Variants in ESRRB observed in about 807,000 individuals in gnomAD.
ESRRB encodes steroid hormone receptor ERR2.
ESRRB carries 16 observed loss-of-function variants against 46.0 expected under a neutral mutation model. The observed-to-expected ratio is 0.35, with a 90% CI of 0.24 to 0.53. ESRRB has a LOEUF of 0.53. Ranked by LOEUF, ESRRB falls within the 20% of genes least tolerant of loss-of-function variation. ESRRB has a pLI of 0.93. For synonymous variants in ESRRB, 246 were observed against 259.6 expected (o/e 0.95, Z 0.50); for missense variants, 488 against 607.4 (o/e 0.80, Z 2.07).
In ESRRB at chr14:76,433,220, C is replaced by T. The variant is rs1029505879; in HGVS notation, c.51-6121C>T. Among the ~76,000 whole-genome samples the T allele has an allele frequency of 9.9e-5, 15 of 152,232 alleles. No individual in the cohort carries two copies. The East Asian group carries it at 1.4e-3, about 14-fold the overall frequency. ...GTTCACCAAGCCCCTCAGCTGCCTC[C>T]GATGAAGATTGAAGTACAGTTTGCA... is the stretch of plus-strand genomic sequence containing the variant. On this transcript the variant is annotated intron_variant, in intron 1 of 6. Coordinates refer to ENST00000644823, the MANE Select transcript of ESRRB (RefSeq NM_001379180.1).
chr14:76,322,916 G>A (rs58753016), intron 1 of ESRRB, among the ~76,000 whole-genome samples: 28,037 of 152,092 alleles, frequency 0.18, 2,811 homozygotes, highest in East Asian at 0.38. Context: ...TCCAGCATGC[G>A]CTCACTGTTT....
chr14:76,393,082 G>A (rs895227929), intron 1 of ESRRB, among the ~76,000 whole-genome samples: 1 of 152,244 alleles, frequency 6.6e-6, no homozygotes, highest in Admixed American at 6.5e-5. Context: ...AGAGAAGGAG[G>A]CCTGCTTTGG....
chr14:76,499,867 G>A lies in ESRRB; in HGVS notation c.*1409G>A. On this transcript the variant is annotated 3_prime_UTR_variant, in exon 7 of 7. Transcript: ENST00000644823. Reference sequence around the variant, plus strand: ...AACACCCATTTGTGCTCACAGGTTGGCCAAGAGCAGCTTAGAGGATCTCCC... The same window carrying A: ...AACACCCATTTGTGCTCACAGGTTGACCAAGAGCAGCTTAGAGGATCTCCC... The A allele has an allele frequency of 6.2e-7, 1 of 1,614,054 alleles. No individual in the cohort carries two copies. The highest frequency in any genetic ancestry group is 8.5e-7 in the Non-Finnish European group (1 of 1,179,928).
chr14:76,443,888 T>C (rs1333164506), intron 2 of ESRRB, among the ~76,000 whole-genome samples: 1 of 152,232 alleles, frequency 6.6e-6, no homozygotes, highest in Non-Finnish European at 1.5e-5. Context: ...CAGCAGCATT[T>C]GTGCAGTTGG....
chr14:76,409,339 G>T (rs1329455035), intron 1 of ESRRB, among the ~76,000 whole-genome samples: 3 of 152,226 alleles, frequency 2.0e-5, no homozygotes, highest in African/African-American at 4.8e-5. Flanking sequence ...GGAGTTGGAG[G>T]GTGGGTTAAG....
At chr14:76,313,932 T>A (rs1883768138) in intron 1 of ESRRB, among the ~76,000 whole-genome samples, 1 of 152,174 alleles carries the variant, frequency 6.6e-6, no homozygotes, top group African/African-American at 2.4e-5. Context: ...AGTGAAATTC[T>A]AATAGTGGAG....
intron 1 of ESRRB, among the ~76,000 whole-genome samples, chr14:76,426,639 T>C (rs781105298): frequency 6.6e-6 from 1 of 152,146 alleles, no homozygotes; most frequent in Non-Finnish European, 1.5e-5. Flanking sequence ...CAATGAACTA[T>C]GGTATTGTCT....
intron 2 of ESRRB, among the ~76,000 whole-genome samples, chr14:76,443,201 G>A (rs1191526895): frequency 2.0e-5 from 3 of 152,122 alleles, no homozygotes; most frequent in African/African-American, 4.8e-5. Context: ...AGTAGAGCAC[G>A]TTTTCCTGAA....
At chr14:76,359,244 C>A (rs1440557589) in intron 1 of ESRRB, among the ~76,000 whole-genome samples, 3 of 152,200 alleles carry the variant, frequency 2.0e-5, no homozygotes, top group Admixed American at 1.3e-4. Flanking sequence ...CTACTGATGT[C>A]TTCCAAAAAC....
chr14:76,473,251 G>A (rs937924572), intron 3 of ESRRB, among the ~76,000 whole-genome samples: 1 of 152,252 alleles, frequency 6.6e-6, no homozygotes, highest in Middle Eastern at 3.2e-3. Flanking sequence ...CAGCTTAAAT[G>A]AGATACGGGT....
At chr14:76,426,856 C>A (rs910578836) in intron 1 of ESRRB, among the ~76,000 whole-genome samples, 10 of 152,050 alleles carry the variant, frequency 6.6e-5, no homozygotes, top group Admixed American at 3.3e-4. Context: ...CATGGGGAGA[C>A]CATGTCGCTA....
chr14:76,338,391 C>T (rs910317874), intron 1 of ESRRB, among the ~76,000 whole-genome samples: 1 of 152,182 alleles, frequency 6.6e-6, no homozygotes, highest in Non-Finnish European at 1.5e-5. Context: ...CGTGCCAGCC[C>T]TGCCAGCCAG....
chr14:76,418,362 T>C (rs1343765747), intron 1 of ESRRB, among the ~76,000 whole-genome samples: 4 of 152,238 alleles, frequency 2.6e-5, no homozygotes, highest in Non-Finnish European at 5.9e-5. Context: ...TGGTTTTCAC[T>C]TTTGTTAGCT....
chr14:76,444,208 T>C (rs1234917444), intron 2 of ESRRB, among the ~76,000 whole-genome samples: 1 of 152,144 alleles, frequency 6.6e-6, no homozygotes, highest in Admixed American at 6.5e-5. Flanking sequence ...AATTTTTGTA[T>C]TTTTAGTAGA....
At position 76,455,659 on chromosome 14, in the gene ESRRB, A is replaced by G. The variant is rs376614919; in HGVS notation, c.461-6886A>G. Reference sequence around the variant, plus strand: ...AAGGTATAGGAGAGGTAAAATCGGCAATACCTTGTATATGTGGAAATGCCT... The same window carrying G: ...AAGGTATAGGAGAGGTAAAATCGGCGATACCTTGTATATGTGGAAATGCCT... On this transcript the variant is annotated intron_variant, in intron 2 of 6. Transcript: ENST00000644823. Among the ~76,000 whole-genome samples the G allele has an allele frequency of 1.2e-4, 19 of 152,270 alleles. No homozygotes were observed. The South Asian group carries it at 2.7e-3, about 22-fold the overall frequency.
At chr14:76,358,974 A>T (rs1884431851) in intron 1 of ESRRB, among the ~76,000 whole-genome samples, 1 of 152,226 alleles carries the variant, frequency 6.6e-6, no homozygotes, top group African/African-American at 2.4e-5. Context: ...TGCATTTCTA[A>T]TACTTTCCCA....
In ESRRB at chr14:76,482,016, G is replaced by A. The variant is rs1201755609; in HGVS notation, c.578G>A (p.Gly193Asp). The change falls in exon 4 of 7, where the codon GGT becomes GAT. Residue 193 changes from glycine (G) to aspartate (D), a missense_variant and splice_region_variant. Gly to Asp is a moderately conservative substitution (Grantham distance 94). Coordinates refer to ENST00000644823, the MANE Select transcript of ESRRB (RefSeq NM_001379180.1). This position sits in a 1 kb window ranked among gnomAD's most constrained non-coding sequence, Gnocchi z 4.3. ...ATCTTTTCCCTTTCCTCCCCAATAG[G>A]TGTGCGCCTTGATCGAGTGCGTGGA... Reference protein sequence around the residue: ...KCLKVGMLKEGVRLDRVRGGR... With the variant: ...KCLKVGMLKEDVRLDRVRGGR... 1.9e-6 allele frequency: 3 copies of A among 1,613,824 alleles called. No individual in the cohort carries two copies. Among genetic ancestry groups the A allele is most frequent in the Non-Finnish European group, 2.5e-6 (3 of 1,179,702 alleles).
intron 2 of ESRRB, among the ~76,000 whole-genome samples, chr14:76,459,361 A>C (rs973398140): frequency 8.5e-5 from 13 of 152,218 alleles, no homozygotes; most frequent in African/African-American, 3.1e-4. Flanking sequence ...AACACAGGGG[A>C]CATTAATGGG....
chr14:76,473,024 AAGGCTTCCT>A (rs1381412998), intron 3 of ESRRB, among the ~76,000 whole-genome samples: 1 of 152,186 alleles, frequency 6.6e-6, no homozygotes, highest in Non-Finnish European at 1.5e-5. Context: ...GTGCCGTTCA[AAGGCTTCCT>A]AGGGCATTCT....
Sources: allele counts gnomAD v4.1 joint callset (sites outside exome capture counted in the v4.1 genomes callset), GRCh38; gene constraint gnomAD v4.1.1; non-coding constraint Gnocchi (gnomAD v3.1); transcripts MANE v1.5; gene names NCBI Gene and HGNC (gene_info 2026-07-23, HGNC 2026-07-21).